Variants in PLBD1 observed in about 807,000 individuals in gnomAD.
PLBD1 encodes the protein lysosomal leucine aminopeptidase.
Under a neutral mutation model 63.0 loss-of-function variants are expected in PLBD1, and 60 were observed. The observed-to-expected ratio is 0.95, with a 90% CI of 0.77 to 1.18. PLBD1 has a LOEUF of 1.18. PLBD1 is among the 50% of genes most tolerant of loss of function. The pLI, the probability that PLBD1 is intolerant of heterozygous loss-of-function variation, is 0.00. For missense variants in PLBD1, 598 were observed against 677.9 expected, an observed-to-expected ratio of 0.88 and a Z score of 1.31; for synonymous variants, 262 against 248.0, an observed-to-expected ratio of 1.06 and a Z score of -0.53.
intron 1 of PLBD1, among the ~76,000 whole-genome samples, chr12:14,560,255 A>C (rs1417539458): frequency 6.6e-6 from 1 of 152,208 alleles, no homozygotes; most frequent in African/African-American, 2.4e-5. Flanking sequence ...AAGTAGCTTA[A>C]ACTATTCTCT....
chr12:14,546,481 C>T (rs1057450026), intron 2 of PLBD1, among the ~76,000 whole-genome samples: 8 of 152,150 alleles, frequency 5.3e-5, no homozygotes, highest in Admixed American at 3.3e-4. Context: ...CCCTGCCTAG[C>T]TCCACCCAGA....
intron 1 of PLBD1, among the ~76,000 whole-genome samples, chr12:14,556,488 G>A (rs1409708567): frequency 6.6e-6 from 1 of 151,730 alleles, no homozygotes; most frequent in Non-Finnish European, 1.5e-5. Context: ...TCCTGCCTCA[G>A]CCTCCCGAGT....
chr12:14,520,638 G>C (rs537095700), intron 6 of PLBD1, among the ~76,000 whole-genome samples: 3 of 152,226 alleles, frequency 2.0e-5, no homozygotes, highest in African/African-American at 7.2e-5. Context: ...AATAAGGGAG[G>C]GGCAGAGACC....
intron 6 of PLBD1, among the ~76,000 whole-genome samples, chr12:14,521,153 C>G (rs571612345): frequency 6.6e-6 from 1 of 152,270 alleles, no homozygotes; most frequent in Non-Finnish European, 1.5e-5. Flanking sequence ...GCCTACGATG[C>G]ACTCCATCTT....
chr12:14,535,714 G>A lies in PLBD1; in HGVS notation c.789C>T (p.Phe263=). ...TGCTGGTATCTTTATCTATGACGTT[G>A]AAGTCCCAGTGTTTATATATCCTGA... ...AMLRIYKHWD[F]NVIDKDTSSS... The change falls in exon 6 of 11, where the codon TTC becomes TTT. Residue 263 remains phenylalanine (F), a synonymous_variant. Transcript: ENST00000240617. 1 of 1,613,862 alleles carries A rather than the reference G, an allele frequency of 6.2e-7. No homozygotes were observed.
intron 1 of PLBD1, among the ~76,000 whole-genome samples, chr12:14,563,141 A>G (rs1945754771): frequency 6.6e-6 from 1 of 152,222 alleles, no homozygotes; most frequent in African/African-American, 2.4e-5. Context: ...AATGAAGATA[A>G]GTGGGCACTT....
intron 2 of PLBD1, among the ~76,000 whole-genome samples, chr12:14,551,461 T>C (rs1294136886): frequency 2.0e-5 from 3 of 152,222 alleles, no homozygotes; most frequent in African/African-American, 7.2e-5. Flanking sequence ...TGGATAAAGT[T>C]ACTCAAGAAT....
chr12:14,517,489 A>G (rs772102563), intron 6 of PLBD1, among the ~76,000 whole-genome samples: 1 of 151,980 alleles, frequency 6.6e-6, no homozygotes, highest in Non-Finnish European at 1.5e-5. Flanking sequence ...TCCAAACTGC[A>G]TCATTTCTAA....
intron 6 of PLBD1, among the ~76,000 whole-genome samples, chr12:14,534,636 C>T (rs925034489): frequency 6.6e-6 from 1 of 151,676 alleles, no homozygotes; most frequent in Non-Finnish European, 1.5e-5. Flanking sequence ...CTCCGCCTCC[C>T]GGGTTCACGC....
chr12:14,565,254 C>T (rs1945771971), intron 1 of PLBD1, among the ~76,000 whole-genome samples: 1 of 151,936 alleles, frequency 6.6e-6, no homozygotes, highest in South Asian at 2.1e-4. Context: ...TCACCTGAGG[C>T]CAGGAGTTCG....
Position 14,553,756 on chromosome 12 carries a change from G to A in PLBD1, c.116-344C>T, listed in dbSNP as rs547616307. ...ATTGAGAGCTTGTTTGGAGGTTCTC[G>A]CAGGATGGCTCAGCTAGTTGTATAC... On this transcript the variant is annotated intron_variant, in intron 1 of 10. Coordinates refer to ENST00000240617, the MANE Select transcript of PLBD1 (RefSeq NM_024829.6). The A allele has an allele frequency of 2.3e-5, 8 of 342,366 alleles. No homozygotes were observed. The East Asian group carries it at 4.1e-4, about 18-fold the overall frequency. The allele number at this position is 342,366 out of a possible 1,614,324, so 21.2% of individuals were successfully genotyped here. A position where few individuals can be genotyped will look rare whatever the true frequency, so the allele number is the denominator to read the frequency against.
chr12:14,544,020 A>ATTGCTGATCATCAGCAATATGC (rs1555147451), intron 2 of PLBD1, among the ~76,000 whole-genome samples: 4,219 of 151,776 alleles, frequency 0.028, 100 homozygotes, highest in Non-Finnish European at 0.039. Context: ...TTCTGACACT[A>ATTGCTGATCATCAGCAATATGC]TTGCTGATGA....
Position 14,507,093 on chromosome 12 carries a change from A to C in PLBD1, c.1212T>G (p.Pro404=). 6.2e-7 allele frequency: 1 copy of C among 1,612,170 alleles called. No homozygotes were observed. The highest frequency in any genetic ancestry group is 8.5e-7 in the Non-Finnish European group (1 of 1,178,486). ...RKGYWPSYNV[P]FHEKIYNWSG... ...TCCAGTTGTAGATTTTTTCATGGAA[A>C]GGAACATTGTAGGAGGGCCAATATC... The change falls in exon 9 of 11, where the codon CCT becomes CCG. Residue 404 remains proline, a synonymous_variant. Coordinates refer to ENST00000240617, the MANE Select transcript of PLBD1 (RefSeq NM_024829.6).
At chr12:14,559,163 G>A (rs558589442) in intron 1 of PLBD1, among the ~76,000 whole-genome samples, 1 of 152,112 alleles carries the variant, frequency 6.6e-6, no homozygotes, top group African/African-American at 2.4e-5. Context: ...ATAGTGAAAA[G>A]GTAGAAAAAT....
At chr12:14,517,337 G>A (rs1201645402) in intron 6 of PLBD1, among the ~76,000 whole-genome samples, 2 of 152,152 alleles carry the variant, frequency 1.3e-5, no homozygotes, top group African/African-American at 4.8e-5. Flanking sequence ...TGTAGAGACG[G>A]GGGTCTTGCT....
chr12:14,562,393 G>A (rs1945747525), intron 1 of PLBD1, among the ~76,000 whole-genome samples: 1 of 144,790 alleles, frequency 6.9e-6, no homozygotes, highest in Non-Finnish European at 1.5e-5. Flanking sequence ...CCAGGAGGTG[G>A]AGGTCACAGT....
rs144304381 is a variant in PLBD1 at position 14,549,916 on chromosome 12, C to T, written c.335+3277G>A. On this transcript the variant is annotated intron_variant, in intron 2 of 10. Transcript: ENST00000240617. ...CTCCCGACCTCAGGTGATCCTCCCA[C>T]CTCGGCCTCCCAAAGTGTTGGGTTT... Among the ~76,000 whole-genome samples, 810 of 152,306 alleles carry T rather than the reference C, an allele frequency of 5.3e-3. 9 individuals carry two copies. Among genetic ancestry groups the T allele is most frequent in the African/African-American group, 0.019 (786 of 41,550 alleles).
At chr12:14,544,114 C>A (rs1470834212) in intron 2 of PLBD1, among the ~76,000 whole-genome samples, 1 of 151,824 alleles carries the variant, frequency 6.6e-6, no homozygotes, top group Non-Finnish European at 1.5e-5. Context: ...CCTTTATCTT[C>A]AATTGTCTGC....
rs191223511 is a variant in PLBD1, at chr12:14,536,915, C to T, written c.559-205G>A. On this transcript the variant is annotated intron_variant, in intron 4 of 10. Transcript: ENST00000240617. ...ACCAGCCTGGCCAACACAGCAAAAC[C>T]CTGTCTCTACTGAAAATACAAAAAT... 5.3e-3 allele frequency among the ~76,000 whole-genome samples: 802 copies of T among 152,096 alleles called. 8 individuals are homozygous for T. Among genetic ancestry groups the T allele is most frequent in the African/African-American group, 0.019 (778 of 41,486 alleles).
Sources: gnomAD v4.1 joint callset for allele counts (sites outside exome capture counted in the v4.1 genomes callset) on GRCh38, gnomAD v4.1.1 for gene constraint, MANE v1.5 for transcripts, NCBI Gene and HGNC (gene_info 2026-07-23, HGNC 2026-07-21) for gene names.